MCOLN2: variants seen among roughly 807,000 people sequenced by gnomAD.
MCOLN2 encodes the protein mucolipin-2.
In MCOLN2, 57 loss-of-function variants were observed where a neutral mutation model predicts 67.5. That is an observed-to-expected ratio of 0.84 (90% CI 0.68 to 1.05). The LOEUF is 1.05. Ranked by LOEUF, MCOLN2 falls within the 50% of genes least tolerant of loss-of-function variation. The probability of loss-of-function intolerance (pLI) is 0.00; values close to 1 mark genes in which losing one functional copy is unlikely to be tolerated. For synonymous variants in MCOLN2, 246 were observed against 233.3 expected (o/e 1.05, Z -0.50); for missense variants, 620 against 678.8 (o/e 0.91, Z 0.96).
chr1:84,955,633 A>T (rs934970118), intron 4 of MCOLN2, among the ~76,000 whole-genome samples: 8 of 152,140 alleles, frequency 5.3e-5, no homozygotes, highest in African/African-American at 1.9e-4. Flanking sequence ...ATATGACCTG[A>T]TTTACCACTG....
Position 84,947,266 on chromosome 1 carries a change from C to T in MCOLN2, c.748-134G>A, listed in dbSNP as rs1476610855. 6.6e-6 allele frequency: 4 copies of T among 604,828 alleles called. No individual in the cohort carries two copies. The Admixed American group carries it at 1.1e-4, about 17-fold the overall frequency. The allele number at this position is 604,828 out of a possible 1,614,324, so 37.5% of individuals were successfully genotyped here. On this transcript the variant is annotated intron_variant, in intron 6 of 13. Transcript: ENST00000370608. ...AGAATTACACAGGCCAGCAAAATGG[C>T]TGACTAGAATTACTTGACACTCATT...
chr1:84,938,210 T>C lies in MCOLN2; in HGVS notation c.1111-128A>G, dbSNP rs546737051. The C allele has an allele frequency of 3.2e-5, 15 of 475,300 alleles. No homozygotes were observed. The Admixed American group carries it at 3.2e-4, about 10-fold the overall frequency. 29.4% of individuals were successfully genotyped at this position (475,300 alleles called of 1,614,324 possible). On this transcript the variant is annotated intron_variant, in intron 9 of 13. Transcript: ENST00000370608. The stretch of plus-strand genomic sequence containing the variant: ...CCTCCCTATAGGTGATAGAGTTTTT[T>C]TTTGAAGAAAAAAAAGAAGAAAAAC...
At chr1:84,994,318 T>C (rs1651041842) in intron 1 of MCOLN2, among the ~76,000 whole-genome samples, 1 of 151,490 alleles carries the variant, frequency 6.6e-6, no homozygotes, top group Admixed American at 6.6e-5. Context: ...AGAGTCATCC[T>C]GTCCTTTGCA....
intron 2 of MCOLN2, among the ~76,000 whole-genome samples, chr1:84,959,298 G>C (rs1648955087): frequency 6.6e-6 from 1 of 152,116 alleles, no homozygotes; most frequent in African/African-American, 2.4e-5. Flanking sequence ...GCACATGAAA[G>C]AATAACAGAG....
At chr1:84,953,284 G>C (rs1276733258) in intron 4 of MCOLN2, among the ~76,000 whole-genome samples, 1 of 152,152 alleles carries the variant, frequency 6.6e-6, no homozygotes, top group Non-Finnish European at 1.5e-5. Context: ...AGGCACGGTG[G>C]CTCACACCTG....
intron 1 of MCOLN2, among the ~76,000 whole-genome samples, chr1:84,978,276 C>A (rs868568448): frequency 6.7e-6 from 1 of 150,248 alleles, no homozygotes. Flanking sequence ...CTGCCTACTT[C>A]AAAAAAAAAG....
intron 7 of MCOLN2, 140 bp downstream of exon 7, chr1:84,946,893 G>A: frequency 1.8e-6 from 1 of 560,398 alleles, no homozygotes; most frequent in Non-Finnish European, 3.2e-6. Flanking sequence ...AAGGCTTTGG[G>A]ATATTCTTTA....
chr1:84,952,014 G>A (rs1263096621), intron 6 of MCOLN2, among the ~76,000 whole-genome samples: 11 of 152,166 alleles, frequency 7.2e-5, no homozygotes, highest in African/African-American at 2.4e-4. Context: ...TTGAATCTGG[G>A]AGGCAGAGAT....
intron 6 of MCOLN2, among the ~76,000 whole-genome samples, chr1:84,948,396 C>A (rs1178452131): frequency 6.6e-6 from 1 of 152,124 alleles, no homozygotes; most frequent in African/African-American, 2.4e-5. Flanking sequence ...GAACCAAAGC[C>A]ACTATAACCA....
chr1:84,996,241 CAG>C (rs1312336262), intron 1 of MCOLN2, among the ~76,000 whole-genome samples: 1 of 151,994 alleles, frequency 6.6e-6, no homozygotes. Context: ...CATAAAATAT[CAG>C]AGTCTACATC....
chr1:84,953,912 C>T (rs1464969490), intron 4 of MCOLN2, among the ~76,000 whole-genome samples: 1 of 152,194 alleles, frequency 6.6e-6, no homozygotes, highest in Non-Finnish European at 1.5e-5. Flanking sequence ...GTTGCTGCCC[C>T]TTCCATGCTG....
At position 84,952,430 on chromosome 1, in the gene MCOLN2, T is replaced by C. The variant is rs1325208075; in HGVS notation, c.650+16A>G. On this transcript the variant is annotated intron_variant, in intron 5 of 13. Coordinates refer to ENST00000370608, the MANE Select transcript of MCOLN2 (RefSeq NM_153259.4). ...ACCCTCATCTCTTAGGGAATAACAC[T>C]TTAAAATGTATTTACCGATAAAATT... 5.6e-6 allele frequency: 9 copies of C among 1,601,062 alleles called. No homozygotes were observed. The East Asian group carries it at 2.0e-4, about 36-fold the overall frequency.
rs142259558 is a variant in MCOLN2, at chr1:84,989,070, A to G, written c.77+7726T>C. Among the ~76,000 whole-genome samples the G allele has an allele frequency of 2.7e-3, 409 of 152,178 alleles. 2 individuals carry two copies. Among genetic ancestry groups the G allele is most frequent in the African/African-American group, 9.5e-3 (396 of 41,498 alleles). On this transcript the variant is annotated intron_variant, in intron 1 of 13. Transcript: ENST00000370608. ...CTTTATTTCCTTCATAATTGCAATC[A>G]CAATCTTTATTGGTCTCCCCTACAA...
At chr1:84,940,018 G>A (rs375456342) in intron 8 of MCOLN2, among the ~76,000 whole-genome samples, 208 of 152,202 alleles carry the variant, frequency 1.4e-3, no homozygotes, top group African/African-American at 4.8e-3. Flanking sequence ...ACAACCCAAT[G>A]AAGCAGGTAC....
intron 6 of MCOLN2, among the ~76,000 whole-genome samples, chr1:84,947,897 T>C (rs1217007516): frequency 1.3e-5 from 2 of 152,196 alleles, no homozygotes; most frequent in African/African-American, 4.8e-5. Context: ...TGATGGAACA[T>C]CTGAGACCCT....
intron 9 of MCOLN2, among the ~76,000 whole-genome samples, chr1:84,938,983 A>C (rs1377792907): frequency 6.6e-6 from 1 of 152,186 alleles, no homozygotes; most frequent in Admixed American, 6.5e-5. Flanking sequence ...AGAAGCCTGA[A>C]GAAAGCCAGA....
At chr1:84,990,297 C>CAAAAA (rs34226507) in intron 1 of MCOLN2, among the ~76,000 whole-genome samples, 6 of 34,982 alleles carry the variant, frequency 1.7e-4, no homozygotes, top group Admixed American at 5.1e-4. Context: ...GACTCCATCT[C>CAAAAA]AAAAAAAAAA....
In MCOLN2 at chr1:84,996,983, G is replaced by C; in HGVS notation, c.-111C>G. The C allele has an allele frequency of 1.1e-6, 1 of 914,632 alleles. No homozygotes were observed. The highest frequency in any genetic ancestry group is 1.7e-6 in the Non-Finnish European group (1 of 577,788). 56.7% of individuals were successfully genotyped at this position (914,632 alleles called of 1,614,324 possible). On this transcript the variant is annotated 5_prime_UTR_variant, in exon 1 of 14. Coordinates refer to ENST00000370608, the MANE Select transcript of MCOLN2 (RefSeq NM_153259.4). ...ACGCGTCCGCCGAAGTTGGAGCCCT[G>C]CAAAGCGGGGTTCCCTTCTCTTACC...
At chr1:84,979,018 T>C (rs1650126569) in intron 1 of MCOLN2, among the ~76,000 whole-genome samples, 1 of 152,036 alleles carries the variant, frequency 6.6e-6, no homozygotes, top group African/African-American at 2.4e-5. Context: ...ACTAGGCCAG[T>C]CTCTCTTTTC....
Sources: allele counts gnomAD v4.1 joint callset (sites outside exome capture counted in the v4.1 genomes callset), GRCh38; gene constraint gnomAD v4.1.1; transcripts MANE v1.5; gene names NCBI Gene and HGNC (gene_info 2026-07-23, HGNC 2026-07-21).